Variants in IFT43 observed in about 807,000 individuals in gnomAD.
IFT43 encodes the protein intraflagellar transport 43.
In IFT43, 33 loss-of-function variants were observed where a neutral mutation model predicts 32.3. The observed-to-expected ratio is 1.02, with a 90% confidence interval of 0.77 to 1.37. The LOEUF is 1.37. IFT43 is among the 40% of genes most tolerant of loss of function. The probability of loss-of-function intolerance (pLI) is 0.00; values close to 1 mark genes in which losing one functional copy is unlikely to be tolerated. For synonymous variants in IFT43, 93 were observed against 98.2 expected, an observed-to-expected ratio of 0.95 and a Z score of 0.31; for missense variants, 274 against 265.9, an observed-to-expected ratio of 1.03 and a Z score of -0.21.
At chr14:76,033,269 A>G (rs1312368406) in intron 3 of IFT43, among the ~76,000 whole-genome samples, 8 of 152,218 alleles carry the variant, frequency 5.3e-5, no homozygotes, top group Non-Finnish European at 1.0e-4. Context: ...AGAAGAGTCT[A>G]GATTAAGAAT....
At chr14:76,083,191 G>A (rs773431733) in intron 7 of IFT43, 36 bp from the exon 8 acceptor site, 7 of 1,613,878 alleles carry the variant, frequency 4.3e-6, no homozygotes, top group South Asian at 1.1e-5. Context: ...AGCCCTCAAG[G>A]TGCTCAGCCT....
intron 3 of IFT43, among the ~76,000 whole-genome samples, chr14:76,032,654 A>G (rs531927110): frequency 1.1e-4 from 16 of 152,350 alleles, no homozygotes; most frequent in African/African-American, 3.8e-4. Flanking sequence ...CCTAGTCCAT[A>G]ATAAGCACTC....
chr14:76,027,792 G>T (rs1457654836), intron 3 of IFT43, among the ~76,000 whole-genome samples: 1 of 151,516 alleles, frequency 6.6e-6, no homozygotes, highest in Non-Finnish European at 1.5e-5. Flanking sequence ...TTTCATAGTG[G>T]TTTAATAATA....
chr14:75,995,052 T>C (rs558205330), intron 2 of IFT43, among the ~76,000 whole-genome samples: 1 of 152,210 alleles, frequency 6.6e-6, no homozygotes, highest in Non-Finnish European at 1.5e-5. Flanking sequence ...ATAGCTTACA[T>C]TGCAACAGTT....
At chr14:76,010,861 GTCTCTTTTAAT>G (rs2036070223) in intron 2 of IFT43, among the ~76,000 whole-genome samples, 1 of 149,096 alleles carries the variant, frequency 6.7e-6, no homozygotes, top group Non-Finnish European at 1.5e-5. Context: ...TTTCTTTTAA[GTCTCTTTTAAT>G]TTAGAATAGT....
At chr14:76,083,160 T>C in intron 7 of IFT43, 67 bp from the exon 8 acceptor site, 2 of 1,575,402 alleles carry the variant, frequency 1.3e-6, no homozygotes, top group Non-Finnish European at 1.7e-6. Flanking sequence ...ATCCCGGTTT[T>C]GTGAGAAAGA....
intron 5 of IFT43, among the ~76,000 whole-genome samples, chr14:76,069,813 G>A (rs2037288768): frequency 6.6e-6 from 1 of 152,196 alleles, no homozygotes; most frequent in Non-Finnish European, 1.5e-5. Context: ...GAGTGGAGTT[G>A]TAGCTCCCTC....
chr14:76,000,170 A>G (rs149963801), intron 2 of IFT43, among the ~76,000 whole-genome samples: 1 of 152,262 alleles, frequency 6.6e-6, no homozygotes, highest in East Asian at 1.9e-4. Flanking sequence ...TTTTATACTT[A>G]AATGCATTTA....
At chr14:76,071,722 T>C (rs1267216690) in intron 5 of IFT43, among the ~76,000 whole-genome samples, 1 of 152,202 alleles carries the variant, frequency 6.6e-6, no homozygotes, top group African/African-American at 2.4e-5. Flanking sequence ...TTTATTACCT[T>C]TCTTTTTAAT....
At chr14:76,029,168 G>A (rs543121189) in intron 3 of IFT43, among the ~76,000 whole-genome samples, 4 of 152,004 alleles carry the variant, frequency 2.6e-5, no homozygotes, top group Non-Finnish European at 4.4e-5. Context: ...ATTCTGACAG[G>A]TATGAGATGG....
rs565353279 is a variant in IFT43 at position 76,009,697 on chromosome 14, G to A, written c.148-12630G>A. Among the ~76,000 whole-genome samples the A allele has an allele frequency of 1.2e-3, 177 of 152,282 alleles. 1 individual carries two copies. Among genetic ancestry groups the A allele is most frequent in the African/African-American group, 4.0e-3 (167 of 41,554 alleles). ...GAATTACAGAAGTTTGGAAGTGGGA[G>A]GAATCAATTCTAGCATGAAGAAGAA... On this transcript the variant is annotated intron_variant, in intron 2 of 8. Transcript: ENST00000314067.
Position 76,082,343 on chromosome 14 carries a change from T to C in IFT43, c.344T>C (p.Val115Ala), listed in dbSNP as rs1183018853. ...GAGGAAGTACAGGAAGAAGACTTTG[T>C]TTTGCAGGTGGCAGCCCCTCCCAGG... ...DLEEVQEEDFVLQVAAPPSIQ... is the reference protein window; with the variant it reads ...DLEEVQEEDFALQVAAPPSIQ... The change falls in exon 6 of 9, where the codon GTT (valine) becomes GCT (alanine). Residue 115 changes from valine to alanine, a missense_variant. Physicochemically the swap from Val to Ala is moderately conservative, Grantham distance 64. Coordinates refer to ENST00000314067, the MANE Select transcript of IFT43 (RefSeq NM_001102564.3). 3 of 1,613,234 alleles carry C rather than the reference T, an allele frequency of 1.9e-6. No individual in the cohort carries two copies. Among genetic ancestry groups the C allele is most frequent in the Non-Finnish European group, 2.5e-6 (3 of 1,179,142 alleles).
chr14:76,009,425 C>G (rs972616591), intron 2 of IFT43, among the ~76,000 whole-genome samples: 1 of 152,080 alleles, frequency 6.6e-6, no homozygotes, highest in Non-Finnish European at 1.5e-5. Context: ...GCTTTGAATT[C>G]GTTAATGTAT....
chr14:76,002,884 G>C (rs2035916000), intron 2 of IFT43, among the ~76,000 whole-genome samples: 1 of 152,220 alleles, frequency 6.6e-6, no homozygotes, highest in African/African-American at 2.4e-5. Context: ...CGAAGTCCGT[G>C]GGGGAAGCCA....
chr14:75,995,232 C>T (rs1046904301), intron 2 of IFT43, among the ~76,000 whole-genome samples: 2 of 152,288 alleles, frequency 1.3e-5, no homozygotes, highest in African/African-American at 4.8e-5. Context: ...GTCTTTCTGA[C>T]TCAAGTGCCT....
At chr14:76,011,846 T>C (rs190503523) in intron 2 of IFT43, among the ~76,000 whole-genome samples, 63 of 152,124 alleles carry the variant, frequency 4.1e-4, no homozygotes, top group African/African-American at 1.5e-3. Flanking sequence ...ACTGGGAGAG[T>C]TGGAACTGTG....
At chr14:76,055,044 A>G (rs1054127020) in intron 3 of IFT43, among the ~76,000 whole-genome samples, 5 of 152,202 alleles carry the variant, frequency 3.3e-5, no homozygotes, top group Admixed American at 1.3e-4. Context: ...TGTCACCAGT[A>G]GTTTAAAAAT....
chr14:76,037,693 T>TG (rs199865107), intron 3 of IFT43, among the ~76,000 whole-genome samples: 1,919 of 150,616 alleles, frequency 0.013, 53 homozygotes, highest in African/African-American at 0.045. Context: ...CATTCTCTGT[T>TG]TTTTTTTTTT....
intron 3 of IFT43, among the ~76,000 whole-genome samples, chr14:76,048,901 C>T (rs1359175564): frequency 1.3e-5 from 2 of 152,210 alleles, no homozygotes; most frequent in Non-Finnish European, 2.9e-5. Flanking sequence ...GCAACCAGAA[C>T]TGAGGCACCT....
Sources: allele counts gnomAD v4.1 joint callset (sites outside exome capture counted in the v4.1 genomes callset), GRCh38; gene constraint gnomAD v4.1.1; transcripts MANE v1.5; gene names NCBI Gene and HGNC (gene_info 2026-07-23, HGNC 2026-07-21).